TGM2: variants seen among roughly 807,000 people sequenced by gnomAD.
TGM2 encodes the protein protein-glutamine gamma-glutamyltransferase 2.
Under a neutral mutation model 75.6 loss-of-function variants are expected in TGM2, and 53 were observed. The ratio of observed to expected loss-of-function variants is 0.70; its 90% confidence interval spans 0.56 to 0.88. TGM2 has a LOEUF of 0.88. Among genes scored for constraint, TGM2 ranks in the 40% least tolerant of loss-of-function variants. TGM2 has a pLI of 0.00. For synonymous variants in TGM2, 374 were observed against 381.1 expected (o/e 0.98, Z 0.22); for missense variants, 842 against 928.5 (o/e 0.91, Z 1.21).
chr20:38,139,409 T>C lies in TGM2; in HGVS notation c.1342+3A>G. ...CTGCATTAAAGACTCTGAGGGCACA[T>C]ACCCTCTGGGTATTTGTAGGTGTGG... On this transcript the variant is annotated splice_donor_region_variant and intron_variant, in intron 9 of 12. Coordinates refer to ENST00000361475, the MANE Select transcript of TGM2 (RefSeq NM_004613.4). 6.2e-7 allele frequency: 1 copy of C among 1,614,126 alleles called. No individual in the cohort carries two copies. The highest frequency in any genetic ancestry group is 8.5e-7 in the Non-Finnish European group (1 of 1,180,016).
chr20:38,148,616 C>T (rs2122918237), intron 4 of TGM2, among the ~76,000 whole-genome samples: 1 of 152,328 alleles, frequency 6.6e-6, no homozygotes, highest in East Asian at 1.9e-4. Flanking sequence ...ACCGTATCCA[C>T]AGTAAAACCT....
chr20:38,164,347 A>G (rs182467539), intron 1 of TGM2, among the ~76,000 whole-genome samples: 199 of 152,324 alleles, frequency 1.3e-3, no homozygotes, highest in Middle Eastern at 3.4e-3. Context: ...ACTTGACCCA[A>G]GAGCCAGCTG....
upstream of TGM2, among the ~76,000 whole-genome samples, chr20:38,166,101 C>T (rs138509603): frequency 3.9e-5 from 6 of 152,310 alleles, 1 homozygote; most frequent in Non-Finnish European, 8.8e-5. Flanking sequence ...GGCATGGACT[C>T]AGGTACAGAC....
At chr20:38,132,265 GT>G (rs2074843252) in intron 11 of TGM2, 74 bp downstream of exon 11, 3 of 1,533,070 alleles carry the variant, frequency 2.0e-6, no homozygotes, top group Admixed American at 1.7e-5. Context: ...GGTGTGTGGG[GT>G]GGGGGTAGGG....
intron 1 of TGM2, among the ~76,000 whole-genome samples, chr20:38,161,965 A>G (rs1415120432): frequency 1.3e-5 from 2 of 152,026 alleles, no homozygotes; most frequent in Non-Finnish European, 2.9e-5. Flanking sequence ...TTCATTTATC[A>G]GTGAGCTGGG....
chr20:38,161,648 C>T, intron 1 of TGM2, 49 bp from the exon 2 acceptor site: 4 of 1,604,914 alleles, frequency 2.5e-6, no homozygotes, highest in Non-Finnish European at 3.4e-6. Context: ...TCCTTCAGAC[C>T]TCCAGTGATG....
intron 9 of TGM2, among the ~76,000 whole-genome samples, chr20:38,138,977 C>T (rs1309185597): frequency 6.6e-6 from 1 of 152,148 alleles, no homozygotes; most frequent in Non-Finnish European, 1.5e-5. Flanking sequence ...TGTGTTATCC[C>T]TTTCAGCTAG....
chr20:38,137,812 G>A, intron 10 of TGM2: 1 of 463,790 alleles, frequency 2.2e-6, no homozygotes, highest in South Asian at 2.7e-5. Context: ...AAACCAAACA[G>A]TATAGCTGCT....
Position 38,165,193 on chromosome 20 carries a change from G to T in TGM2, c.6C>A (p.Ala2=). The T allele has an allele frequency of 6.2e-7, 1 of 1,613,392 alleles. No homozygotes were observed. Among genetic ancestry groups the T allele is most frequent in the Non-Finnish European group, 8.5e-7 (1 of 1,179,916 alleles). The change falls in exon 1 of 13, where the codon GCC becomes GCA. Residue 2 remains alanine (A), a synonymous_variant. Transcript: ENST00000361475. M[A]EELVLERCDL... Reference sequence around the variant, plus strand: ...TGCGGTGACTCTGATACTCACCCTCGGCCATGGTCGGGCGGGGGCGGTGGC... The same window carrying T: ...TGCGGTGACTCTGATACTCACCCTCTGCCATGGTCGGGCGGGGGCGGTGGC...
intron 3 of TGM2, among the ~76,000 whole-genome samples, chr20:38,151,965 G>T (rs1651774602): frequency 6.6e-6 from 1 of 152,186 alleles, no homozygotes; most frequent in African/African-American, 2.4e-5. Flanking sequence ...AGAAACTGAG[G>T]CCAAGAAGGG....
chr20:38,165,121 C>G (rs1242629276), intron 1 of TGM2, 68 bp downstream of exon 1: 2 of 1,612,024 alleles, frequency 1.2e-6, no homozygotes, highest in African/African-American at 1.3e-5. Context: ...GGATTCAGCT[C>G]CCACCGGGTC....
intron 12 of TGM2, 60 bp downstream of exon 12, chr20:38,131,033 A>C (rs1600475102): frequency 1.9e-6 from 3 of 1,604,012 alleles, no homozygotes; most frequent in Non-Finnish European, 2.5e-6. Context: ...GACAGTCTCT[A>C]CCCCCACCGG....
At chr20:38,154,977 A>C (rs1293836697) in intron 3 of TGM2, among the ~76,000 whole-genome samples, 1 of 152,220 alleles carries the variant, frequency 6.6e-6, no homozygotes, top group Admixed American at 6.5e-5. Context: ...GTGGTGGCAC[A>C]TGCCTGTAAT....
chr20:38,132,414 C>A lies in TGM2; in HGVS notation c.1702G>T (p.Val568Leu), dbSNP rs779889965. 2 of 1,614,108 alleles carry A rather than the reference C, an allele frequency of 1.2e-6. No individual in the cohort carries two copies. The highest frequency in any genetic ancestry group is 1.7e-6 in the Non-Finnish European group (2 of 1,180,014). Reference sequence around the variant, plus strand: ...AGGTAGCTGTTGATAACTGGCTCCACGAGGAGGGCCCGCACCTTGATGAGG... The same window carrying A: ...AGGTAGCTGTTGATAACTGGCTCCAAGAGGAGGGCCCGCACCTTGATGAGG... ...SNLIKVRALL[V>L]EPVINSYLLA... Residue 568 changes from valine (V) to leucine (L), a missense_variant, in exon 11 of 13, where the codon GTG becomes TTG. By Grantham distance (32) the Val-to-Leu change is conservative. Coordinates refer to ENST00000361475, the MANE Select transcript of TGM2 (RefSeq NM_004613.4).
chr20:38,152,441 A>T (rs1181248733), intron 3 of TGM2, among the ~76,000 whole-genome samples: 1 of 152,254 alleles, frequency 6.6e-6, no homozygotes, highest in Non-Finnish European at 1.5e-5. Flanking sequence ...GCTCTGCAGC[A>T]GCCGGGGGGT....
chr20:38,143,413 C>T (rs921930531), intron 6 of TGM2, among the ~76,000 whole-genome samples: 4 of 152,204 alleles, frequency 2.6e-5, no homozygotes, highest in Non-Finnish European at 5.9e-5. Flanking sequence ...AAATAGGTCG[C>T]AGCACAGATC....
intron 7 of TGM2, 61 bp from the exon 8 acceptor site, chr20:38,141,446 C>T: frequency 2.4e-6 from 3 of 1,259,296 alleles, no homozygotes; most frequent in Middle Eastern, 2.1e-4. Context: ...CGCCACCTCC[C>T]ACGGGCAGAC....
rs2074788235 is a variant in TGM2, at chr20:38,128,420, C to T, written c.*1799G>A. Reference sequence around the variant, plus strand: ...TCCAGGTGTGAGCGAGCTCACCTACCCATCTCCCTCCAAACTCATAAAGGA... The same window carrying T: ...TCCAGGTGTGAGCGAGCTCACCTACTCATCTCCCTCCAAACTCATAAAGGA... On this transcript the variant is annotated 3_prime_UTR_variant, in exon 13 of 13. Coordinates refer to ENST00000361475, the MANE Select transcript of TGM2 (RefSeq NM_004613.4). 1 of 152,142 alleles carries T rather than the reference C, an allele frequency of 6.6e-6. No homozygotes were observed. The highest frequency in any genetic ancestry group is 1.5e-5 in the Non-Finnish European group (1 of 68,042). The allele number at this position is 152,142 out of a possible 1,614,324, so 9.4% of individuals were successfully genotyped here.
Position 38,139,485 on chromosome 20 carries a change from C to T in TGM2, c.1269G>A (p.Gly423=), listed in dbSNP as rs763760697. The change falls in exon 9 of 13, where the codon GGG becomes GGA. Residue 423 remains glycine, a synonymous_variant. Transcript: ENST00000361475. ...HKSINRSLIV[G]LKISTKSVGR... Reference sequence around the variant, plus strand: ...CCACGCTCTTAGTGCTGATCTTCAGCCCAACGATCAGGGAACGGTTGATGG... The same window carrying T: ...CCACGCTCTTAGTGCTGATCTTCAGTCCAACGATCAGGGAACGGTTGATGG... 6.2e-7 allele frequency: 1 copy of T among 1,614,222 alleles called. No homozygotes were observed. The highest frequency in any genetic ancestry group is 8.5e-7 in the Non-Finnish European group (1 of 1,180,040).
Sources: allele counts gnomAD v4.1 joint callset (sites outside exome capture counted in the v4.1 genomes callset), GRCh38; gene constraint gnomAD v4.1.1; transcripts MANE v1.5; gene names NCBI Gene and HGNC (gene_info 2026-07-23, HGNC 2026-07-21).